ACAD9: variants seen among roughly 807,000 people sequenced by gnomAD.
The protein encoded by ACAD9 is complex I assembly factor ACAD9, mitochondrial.
A neutral mutation model predicts 70.2 loss-of-function variants in ACAD9; 53 were observed. That is an observed-to-expected ratio of 0.75 (90% CI 0.61 to 0.95). The LOEUF is 0.95. Ranked by LOEUF, ACAD9 falls within the 40% of genes least tolerant of loss-of-function variation. ACAD9 has a pLI of 0.00. For synonymous variants in ACAD9, 313 were observed against 312.1 expected (o/e 1.00, Z -0.03); for missense variants, 777 against 802.8 (o/e 0.97, Z 0.39).
At chr3:128,888,728 A>G (rs1576332813) in intron 2 of ACAD9, among the ~76,000 whole-genome samples, 1 of 152,302 alleles carries the variant, frequency 6.6e-6, no homozygotes, top group East Asian at 1.9e-4. Flanking sequence ...GTGATCACAA[A>G]TTATATGTTG....
intron 3 of ACAD9, among the ~76,000 whole-genome samples, chr3:128,893,925 CA>C (rs1269814585): frequency 6.6e-6 from 1 of 152,204 alleles, no homozygotes; most frequent in Non-Finnish European, 1.5e-5. Context: ...AACCTTTGAG[CA>C]GGGTCCTTTG....
chr3:128,892,462 G>A (rs1233207498), intron 2 of ACAD9, among the ~76,000 whole-genome samples: 2 of 152,180 alleles, frequency 1.3e-5, no homozygotes, highest in African/African-American at 2.4e-5. Context: ...TAATTAATTT[G>A]ATGCATACAA....
chr3:128,902,721 G>T lies in ACAD9; in HGVS notation c.958+93G>T. The T allele has an allele frequency of 7.1e-7, 1 of 1,405,200 alleles. No homozygotes were observed. Among genetic ancestry groups the T allele is most frequent in the Non-Finnish European group, 9.9e-7 (1 of 1,010,882 alleles). 87.0% of individuals were successfully genotyped at this position (1,405,200 alleles called of 1,614,324 possible). ...TCTGCCATTCCCCCGGCCCCTTCCA[G>T]GCCAGTGCTGAACCAGGCTACCAGC... On this transcript the variant is annotated intron_variant, in intron 9 of 17. Coordinates refer to ENST00000308982, the MANE Select transcript of ACAD9 (RefSeq NM_014049.5). This position sits in a 1 kb window ranked among gnomAD's most constrained non-coding sequence, Gnocchi z 4.0.
In ACAD9 at chr3:128,902,280, C is replaced by T. The variant is rs144130699; in HGVS notation, c.883-273C>T. 1.9e-4 allele frequency among the ~76,000 whole-genome samples: 29 copies of T among 152,340 alleles called. No individual in the cohort carries two copies. The highest frequency in any genetic ancestry group is 5.8e-4 in the African/African-American group (24 of 41,578). ...TCTTGAACTCCTGGGCTCAAGCGAT[C>T]CTCTTGCCTTGGCCTTCCAAAATGC... On this transcript the variant is annotated intron_variant, in intron 8 of 17. Transcript: ENST00000308982. The surrounding 1 kb of genome is among the most constrained non-coding windows in gnomAD (Gnocchi z 4.0).
At chr3:128,879,968 T>C (rs777258403) in intron 1 of ACAD9, 127 bp downstream of exon 1, 7 of 1,563,470 alleles carry the variant, frequency 4.5e-6, no homozygotes, top group Non-Finnish European at 6.1e-6. Context: ...GGCCGAGGCG[T>C]GTTAACACTC....
At chr3:128,905,961 T>C (rs1179329609) in intron 11 of ACAD9, among the ~76,000 whole-genome samples, 160 bp from the exon 12 acceptor site, 1 of 152,064 alleles carries the variant, frequency 6.6e-6, no homozygotes, top group Non-Finnish European at 1.5e-5. Context: ...AGCTGGCCAG[T>C]GTGGTCACGG....
At chr3:128,888,244 A>G (rs1405584250) in intron 2 of ACAD9, among the ~76,000 whole-genome samples, 1 of 152,206 alleles carries the variant, frequency 6.6e-6, no homozygotes. Context: ...GCCCCACTGT[A>G]CAGTCTTCAG....
chr3:128,895,513 C>A, intron 4 of ACAD9, 97 bp downstream of exon 4: 2 of 1,138,168 alleles, frequency 1.8e-6, no homozygotes, highest in Non-Finnish European at 2.6e-6. Flanking sequence ...TGAATTGGGC[C>A]TGATATCTGA....
intron 4 of ACAD9, 125 bp downstream of exon 4, chr3:128,895,541 C>T (rs1305041019): frequency 1.4e-5 from 12 of 861,904 alleles, no homozygotes; most frequent in East Asian, 1.1e-4. Context: ...CCCTGCCCTT[C>T]AGTTCCCTCA....
At chr3:128,909,548 G>A in intron 15 of ACAD9, 127 bp downstream of exon 15, 2 of 1,050,540 alleles carry the variant, frequency 1.9e-6, no homozygotes, top group Non-Finnish European at 2.9e-6. Flanking sequence ...ACCCTGGAGG[G>A]ATGGGGTGGT....
intron 5 of ACAD9, 114 bp downstream of exon 5, chr3:128,896,650 C>A: frequency 9.6e-7 from 1 of 1,036,880 alleles, no homozygotes; most frequent in Non-Finnish European, 1.5e-6. Flanking sequence ...TTTCCAAAAT[C>A]TTGCAAAGAA....
At chr3:128,901,441 G>GA in intron 8 of ACAD9, 92 bp downstream of exon 8, 1 of 1,399,842 alleles carries the variant, frequency 7.1e-7, no homozygotes, top group Non-Finnish European at 1.0e-6. Flanking sequence ...TCGTAGCAGA[G>GA]TAGCCTGTGC....
In ACAD9 at chr3:128,895,435, C is replaced by T; in HGVS notation, c.453+19C>T. On this transcript the variant is annotated intron_variant, in intron 4 of 17. Transcript: ENST00000308982. The stretch of plus-strand genomic sequence containing the variant: ...CCTCAAGGTCAGGTATCTGGGGATT[C>T]TGTGTGGTGCTCTCTGTAGGTCTTC... The T allele has an allele frequency of 1.3e-6, 2 of 1,581,602 alleles. No homozygotes were observed. Among genetic ancestry groups the T allele is most frequent in the Non-Finnish European group, 8.6e-7 (1 of 1,161,672 alleles).
chr3:128,885,483 T>C (rs6439147), intron 2 of ACAD9, among the ~76,000 whole-genome samples: 145,475 of 152,300 alleles, frequency 0.96, 69,578 homozygotes, highest in East Asian at 1. Flanking sequence ...CCTCCATCTT[T>C]CAGGCTCAAA....
At chr3:128,884,824 A>G in intron 2 of ACAD9, 78 bp downstream of exon 2, 1 of 1,125,722 alleles carries the variant, frequency 8.9e-7, no homozygotes, top group South Asian at 1.2e-5. Context: ...GAAGTGACAT[A>G]CATAGGAGAA....
At chr3:128,885,106 C>T (rs1935208419) in intron 2 of ACAD9, among the ~76,000 whole-genome samples, 1 of 152,204 alleles carries the variant, frequency 6.6e-6, no homozygotes, top group African/African-American at 2.4e-5. Flanking sequence ...TGTACAGTTG[C>T]TCTTAGTGTT....
chr3:128,883,292 G>T (rs13323787), intron 1 of ACAD9, among the ~76,000 whole-genome samples: 20,084 of 151,812 alleles, frequency 0.13, 2,125 homozygotes, highest in African/African-American at 0.3. Context: ...ATCCCCCTGC[G>T]TCAGCTTCCC....
chr3:128,902,611 T>C lies in ACAD9; in HGVS notation c.941T>C (p.Leu314Pro). Residue 314 changes from leucine (L) to proline (P), a missense_variant, in exon 9 of 18, where the codon CTG becomes CCG. Coordinates refer to ENST00000308982, the MANE Select transcript of ACAD9 (RefSeq NM_014049.5). This position sits in a 1 kb window ranked among gnomAD's most constrained non-coding sequence, Gnocchi z 4.0. ...AGCATGGGCAGCGTCGTGGCTGGGC[T>C]GCTCAAGAGATTGATTGGTAGGTAA... Reference protein sequence around the residue: ...RFSMGSVVAGLLKRLIEMTAE... With the variant: ...RFSMGSVVAGPLKRLIEMTAE... 6.2e-7 allele frequency: 1 copy of C among 1,614,140 alleles called. No individual in the cohort carries two copies.
chr3:128,909,562 G>A (rs1485368265), intron 15 of ACAD9, 141 bp downstream of exon 15: 1 of 938,506 alleles, frequency 1.1e-6, no homozygotes, highest in African/African-American at 1.6e-5. Context: ...GGGTGGTGAG[G>A]TCAGGCTGAC....
Sources: gnomAD v4.1 joint callset for allele counts (sites outside exome capture counted in the v4.1 genomes callset) on GRCh38, gnomAD v4.1.1 for gene constraint, Gnocchi (gnomAD v3.1) non-coding constraint, MANE v1.5 for transcripts, NCBI Gene and HGNC (gene_info 2026-07-23, HGNC 2026-07-21) for gene names.